The following CTNNA2 variants were observed in gnomAD, a reference collection of about 807,000 sequenced individuals.
The protein encoded by CTNNA2 is catenin alpha-2.
CTNNA2 carries 42 observed loss-of-function variants against 101.0 expected under a neutral mutation model. The observed-to-expected ratio is 0.42, with a 90% CI of 0.32 to 0.54. The LOEUF is 0.54. Ranked by LOEUF, CTNNA2 falls within the 20% of genes least tolerant of loss-of-function variation. The pLI is 0.14. For missense variants in CTNNA2, 871 were observed against 1,223.1 expected (o/e 0.71, Z 4.29); for synonymous variants, 450 against 456.4 (o/e 0.99, Z 0.18).
chr2:79,927,242 TATTTGTTTTGGTTTG>T (rs1687082079), intron 7 of CTNNA2, among the ~76,000 whole-genome samples: 3 of 152,182 alleles, frequency 2.0e-5, no homozygotes, highest in Admixed American at 2.0e-4. Flanking sequence ...ATTAAATTTT[TATTTGTTTTGGTTTG>T]ATTTGTTTTG....
chr2:80,129,723 AC>A (rs1465149450), intron 7 of CTNNA2, among the ~76,000 whole-genome samples: 1 of 152,158 alleles, frequency 6.6e-6, no homozygotes, highest in African/African-American at 2.4e-5. Context: ...TCCCCATTTG[AC>A]AGATGAAACT....
chr2:79,634,903 T>C (rs1679917712), intron 1 of CTNNA2, among the ~76,000 whole-genome samples: 1 of 152,154 alleles, frequency 6.6e-6, no homozygotes, highest in South Asian at 2.1e-4. Flanking sequence ...GGGACTGTGC[T>C]GGGGGAGAGT....
In CTNNA2 at chr2:80,225,387, T is replaced by C. The variant is rs1708823214; in HGVS notation, c.1057-167824T>C. 3.3e-5 allele frequency among the ~76,000 whole-genome samples: 5 copies of C among 152,162 alleles called. No homozygotes were observed. The South Asian group carries it at 1.0e-3, about 31-fold the overall frequency. On this transcript the variant is annotated intron_variant, in intron 7 of 18. Coordinates refer to ENST00000402739, the MANE Select transcript of CTNNA2 (RefSeq NM_001282597.3). ...ACTGCTTTGGGATTCAGAACTTAGG[T>C]TCTTAAGATTTATGACAGACTGATG...
At chr2:80,614,612 A>G (rs1698704294) in intron 17 of CTNNA2, among the ~76,000 whole-genome samples, 2 of 151,456 alleles carry the variant, frequency 1.3e-5, no homozygotes, top group Non-Finnish European at 1.5e-5. Context: ...CCCATAAGAC[A>G]TATCCTAATT....
At position 79,944,764 on chromosome 2, in the gene CTNNA2, C is replaced by T. The variant is rs191999772; in HGVS notation, c.1056+34967C>T. ...AATTATATTCATTAATCATAAGAAA[C>T]TGTCATATTCAATAAGTAGAGAAGG... On this transcript the variant is annotated intron_variant, in intron 7 of 18. Coordinates refer to ENST00000402739, the MANE Select transcript of CTNNA2 (RefSeq NM_001282597.3). 2.0e-5 allele frequency among the ~76,000 whole-genome samples: 3 copies of T among 152,240 alleles called. No individual in the cohort carries two copies. In the East Asian group the frequency reaches 5.8e-4, roughly 29 times the overall value.
At chr2:80,227,858 A>C (rs1414701760) in intron 7 of CTNNA2, among the ~76,000 whole-genome samples, 1 of 152,154 alleles carries the variant, frequency 6.6e-6, no homozygotes, top group Non-Finnish European at 1.5e-5. Flanking sequence ...ACAAAAAAAA[A>C]CAACTATTAA....
At chr2:80,100,933 TA>T (rs1437722999) in intron 7 of CTNNA2, among the ~76,000 whole-genome samples, 1 of 152,232 alleles carries the variant, frequency 6.6e-6, no homozygotes, top group Non-Finnish European at 1.5e-5. Flanking sequence ...AGGAGTCTGC[TA>T]AGTCTTCATA....
At chr2:79,212,817 C>A (rs976435547) in intron 2 of CTNNA2, among the ~76,000 whole-genome samples, 8 of 152,134 alleles carry the variant, frequency 5.3e-5, no homozygotes, top group African/African-American at 1.7e-4. Flanking sequence ...ATTTGCCAGT[C>A]CTGGGCAGGG....
At chr2:80,554,292 G>A (rs13392547) in intron 11 of CTNNA2, among the ~76,000 whole-genome samples, 46,895 of 151,910 alleles carry the variant, frequency 0.31, 7,929 homozygotes, top group East Asian at 0.6. Context: ...TTCTTAAAGA[G>A]GTAATATTTT....
intron 4 of CTNNA2, among the ~76,000 whole-genome samples, chr2:79,504,408 G>A (rs1365526960): frequency 1.3e-5 from 2 of 152,058 alleles, no homozygotes; most frequent in Non-Finnish European, 2.9e-5. Context: ...TTCTGCCTTA[G>A]CTTCCCAAGT....
intron 2 of CTNNA2, among the ~76,000 whole-genome samples, chr2:79,215,036 A>T (rs12467244): frequency 1.3e-5 from 2 of 151,648 alleles, no homozygotes; most frequent in African/African-American, 2.4e-5. Flanking sequence ...GGCGTCCGTG[A>T]TGGTCTAGGG....
At chr2:80,311,200 T>C (rs1250008650) in intron 7 of CTNNA2, among the ~76,000 whole-genome samples, 1 of 152,184 alleles carries the variant, frequency 6.6e-6, no homozygotes, top group African/African-American at 2.4e-5. Flanking sequence ...TGGGCGCCCA[T>C]GCCTTTAAAT....
At chr2:80,023,157 C>G (rs1247557035) in intron 7 of CTNNA2, among the ~76,000 whole-genome samples, 1 of 152,210 alleles carries the variant, frequency 6.6e-6, no homozygotes, top group East Asian at 1.9e-4. Flanking sequence ...TTACCCTAAA[C>G]TGGTACTTTC....
intron 4 of CTNNA2, among the ~76,000 whole-genome samples, chr2:79,469,872 A>T (rs1670979494): frequency 6.6e-6 from 1 of 152,200 alleles, no homozygotes; most frequent in African/African-American, 2.4e-5. Context: ...TATTGATGGG[A>T]TGTATCTCAA....
chr2:79,471,604 T>C (rs616959), intron 4 of CTNNA2, among the ~76,000 whole-genome samples: 104,005 of 151,994 alleles, frequency 0.68, 36,373 homozygotes, highest in African/African-American at 0.83. Flanking sequence ...TTTGGGAGGC[T>C]GAGGCAGGTG....
intron 7 of CTNNA2, among the ~76,000 whole-genome samples, chr2:80,006,651 A>AC (rs1321272322): frequency 6.6e-6 from 1 of 152,174 alleles, no homozygotes; most frequent in Non-Finnish European, 1.5e-5. Flanking sequence ...ATCTGATCCC[A>AC]GAAATGAAAC....
chr2:79,625,368 A>G (rs2104316340), intron 1 of CTNNA2, among the ~76,000 whole-genome samples: 1 of 151,852 alleles, frequency 6.6e-6, no homozygotes, highest in Admixed American at 6.5e-5. Context: ...TGTCTCTACA[A>G]AAAGTATAAA....
chr2:79,798,406 T>A (rs543718194), intron 3 of CTNNA2, among the ~76,000 whole-genome samples: 1 of 152,314 alleles, frequency 6.6e-6, no homozygotes, highest in Non-Finnish European at 1.5e-5. Flanking sequence ...CAGAACCATC[T>A]AACAGTATAA....
chr2:79,792,775 C>T (rs1337790441), intron 3 of CTNNA2, among the ~76,000 whole-genome samples: 1 of 152,134 alleles, frequency 6.6e-6, no homozygotes, highest in African/African-American at 2.4e-5. Context: ...GATGAGGATA[C>T]TCATGACATT....
Sources: allele counts gnomAD v4.1 joint callset (sites outside exome capture counted in the v4.1 genomes callset), GRCh38; gene constraint gnomAD v4.1.1; transcripts MANE v1.5; gene names NCBI Gene and HGNC (gene_info 2026-07-23, HGNC 2026-07-21).